WDR7: variants seen among roughly 807,000 people sequenced by gnomAD.
WDR7 encodes the protein WD repeat domain 7.
A neutral mutation model predicts 169.4 loss-of-function variants in WDR7; 46 were observed. The observed-to-expected ratio is 0.27, with a 90% CI of 0.21 to 0.35. WDR7 has a LOEUF of 0.35. Ranked by LOEUF, WDR7 falls within the 10% of genes least tolerant of loss-of-function variation. WDR7 has a pLI of 1.00. For synonymous variants in WDR7, 612 were observed against 666.8 expected (o/e 0.92, Z 1.27); for missense variants, 1,534 against 1,859.3 (o/e 0.83, Z 3.22).
At chr18:57,012,319 C>G (rs1160143282) in intron 26 of WDR7, among the ~76,000 whole-genome samples, 1 of 152,170 alleles carries the variant, frequency 6.6e-6, no homozygotes, top group Non-Finnish European at 1.5e-5. Flanking sequence ...GCCGTCCTCA[C>G]AGGGATGGCA....
At chr18:57,014,662 GA>G (rs112574282) in intron 26 of WDR7, among the ~76,000 whole-genome samples, 4 of 146,124 alleles carry the variant, frequency 2.7e-5, no homozygotes, top group African/African-American at 5.1e-5. Context: ...TGTCTCAAAA[GA>G]AAAAAAAAAG....
chr18:57,009,164 A>G (rs1361594206), intron 26 of WDR7, among the ~76,000 whole-genome samples: 2 of 152,250 alleles, frequency 1.3e-5, no homozygotes, highest in Non-Finnish European at 2.9e-5. Context: ...TATGATTTTA[A>G]TAGAAAAATG....
At chr18:56,699,972 T>C in intron 12 of WDR7, 1 of 770,538 alleles carries the variant, frequency 1.3e-6, no homozygotes, top group Non-Finnish European at 1.6e-6. Flanking sequence ...TTTTAATATC[T>C]TTTTATCTAA....
intron 25 of WDR7, among the ~76,000 whole-genome samples, chr18:56,952,177 C>T (rs192400436): frequency 6.6e-6 from 1 of 152,298 alleles, no homozygotes; most frequent in East Asian, 1.9e-4. Context: ...AGAAGCACTG[C>T]TCTCAGCTGT....
At chr18:56,698,911 A>G (rs541905491) in intron 12 of WDR7, among the ~76,000 whole-genome samples, 13 of 152,160 alleles carry the variant, frequency 8.5e-5, no homozygotes, top group Non-Finnish European at 1.8e-4. Flanking sequence ...ATTGGGAAAA[A>G]CAACTAATGG....
intron 2 of WDR7, among the ~76,000 whole-genome samples, chr18:56,673,898 G>A (rs778978021): frequency 5.9e-5 from 9 of 151,600 alleles, no homozygotes; most frequent in African/African-American, 1.9e-4. Flanking sequence ...CACTAACGTC[G>A]TGATTATTCT....
downstream of WDR7, chr18:57,031,611 T>A (rs867229211): frequency 1.3e-5 from 2 of 152,238 alleles, no homozygotes; most frequent in Non-Finnish European, 1.5e-5. Flanking sequence ...TCTATTTATA[T>A]ACCTGCTTAC....
chr18:56,686,348 A>C (rs565611622), intron 6 of WDR7, among the ~76,000 whole-genome samples: 3 of 152,258 alleles, frequency 2.0e-5, no homozygotes, highest in African/African-American at 7.2e-5. Context: ...TCAAAGGAAA[A>C]AAAAATAAAG....
chr18:56,916,241 A>T (rs2046623467), intron 21 of WDR7, among the ~76,000 whole-genome samples: 1 of 151,934 alleles, frequency 6.6e-6, no homozygotes. Context: ...TACATTAGGT[A>T]TATCTCCTAA....
chr18:56,998,086 T>C (rs1349039524), intron 26 of WDR7, among the ~76,000 whole-genome samples: 1 of 152,146 alleles, frequency 6.6e-6, no homozygotes, highest in Non-Finnish European at 1.5e-5. Flanking sequence ...ATCAGGTGTA[T>C]ATTTGGACAT....
intron 26 of WDR7, among the ~76,000 whole-genome samples, chr18:57,001,955 A>C (rs2047987725): frequency 6.6e-6 from 1 of 152,198 alleles, no homozygotes; most frequent in African/African-American, 2.4e-5. Flanking sequence ...ACTGGAACCG[A>C]AATTCTTTAA....
At chr18:56,898,539 C>T (rs143780163) in intron 21 of WDR7, among the ~76,000 whole-genome samples, 11 of 152,174 alleles carry the variant, frequency 7.2e-5, no homozygotes, top group East Asian at 5.8e-4. Context: ...AACATTTCAA[C>T]GTCAGATTTT....
chr18:56,990,512 A>G (rs566187913), intron 26 of WDR7, among the ~76,000 whole-genome samples: 1 of 152,258 alleles, frequency 6.6e-6, no homozygotes, highest in Non-Finnish European at 1.5e-5. Flanking sequence ...TCTTTCAAAC[A>G]ATATGAGAGG....
chr18:56,997,936 C>T (rs2047921659), intron 26 of WDR7, among the ~76,000 whole-genome samples: 1 of 152,144 alleles, frequency 6.6e-6, no homozygotes, highest in Non-Finnish European at 1.5e-5. Context: ...ACTTTCCTTC[C>T]TCCTGGATCT....
chr18:56,674,222 C>T (rs557013055), intron 2 of WDR7, among the ~76,000 whole-genome samples: 48 of 152,240 alleles, frequency 3.2e-4, no homozygotes, highest in African/African-American at 1.1e-3. Context: ...GACTGTTTTC[C>T]AAAGTAACTA....
At position 57,020,853 on chromosome 18, in the gene WDR7, A is replaced by G. The variant is rs1049309501; in HGVS notation, c.4269+4A>G. On this transcript the variant is annotated splice_donor_region_variant and intron_variant, in intron 27 of 27. Coordinates refer to ENST00000254442, the MANE Select transcript of WDR7 (RefSeq NM_015285.3). ...CAGCCACATTTCTTTTTGGCAGGTA[A>G]GAGTAGATGCTCCAGGGTCTTAAAG... is the stretch of plus-strand genomic sequence containing the variant. The G allele has an allele frequency of 4.3e-6, 7 of 1,613,874 alleles. No homozygotes were observed. The highest frequency in any genetic ancestry group is 5.9e-6 in the Non-Finnish European group (7 of 1,179,740).
At chr18:56,707,200 C>G (rs910181262) in intron 12 of WDR7, among the ~76,000 whole-genome samples, 5 of 152,128 alleles carry the variant, frequency 3.3e-5, no homozygotes, top group African/African-American at 1.2e-4. Context: ...CCAGGATGGT[C>G]TCAAACTCCT....
chr18:56,909,041 AG>A (rs2046518387), intron 21 of WDR7, among the ~76,000 whole-genome samples: 2 of 152,166 alleles, frequency 1.3e-5, no homozygotes, highest in African/African-American at 4.8e-5. Context: ...ATATATCAAG[AG>A]TCTACCCTGT....
At chr18:56,960,158 AAT>A (rs2145767501) in intron 25 of WDR7, among the ~76,000 whole-genome samples, 1 of 152,346 alleles carries the variant, frequency 6.6e-6, no homozygotes, top group South Asian at 2.1e-4. Context: ...GCAGACCTGT[AAT>A]ATATATGGTC....
Sources: gnomAD v4.1 joint callset for allele counts (sites outside exome capture counted in the v4.1 genomes callset) on GRCh38, gnomAD v4.1.1 for gene constraint, MANE v1.5 for transcripts, NCBI Gene and HGNC (gene_info 2026-07-23, HGNC 2026-07-21) for gene names.